RAB8B: variants seen among roughly 807,000 people sequenced by gnomAD.
RAB8B encodes ras-related protein Rab-8B.
RAB8B carries 11 observed loss-of-function variants against 32.0 expected under a neutral mutation model. That is an observed-to-expected ratio of 0.34 (90% confidence interval 0.22 to 0.57). The LOEUF (loss-of-function observed/expected upper bound fraction) is 0.57. Among genes scored for constraint, RAB8B ranks in the 20% least tolerant of loss-of-function variants. RAB8B has a pLI of 0.86. For synonymous variants in RAB8B, 103 were observed against 89.6 expected, an observed-to-expected ratio of 1.15 and a Z score of -0.85; for missense variants, 190 against 258.5, an observed-to-expected ratio of 0.73 and a Z score of 1.82.
chr15:63,202,089 TAAAAAAAAAAA>T (rs146981058), intron 1 of RAB8B, among the ~76,000 whole-genome samples: 93 of 85,746 alleles, frequency 1.1e-3, no homozygotes, highest in South Asian at 7.2e-3. Context: ...CCGTCTCTAC[TAAAAAAAAAAA>T]AAAAAAAAAA....
At chr15:63,216,740 G>A (rs557255637) in intron 1 of RAB8B, among the ~76,000 whole-genome samples, 7 of 151,672 alleles carry the variant, frequency 4.6e-5, no homozygotes, top group African/African-American at 1.7e-4. Context: ...TGCACCTGTA[G>A]TCCCAGCTCT....
At chr15:63,192,177 G>C (rs1021646794) in intron 1 of RAB8B, among the ~76,000 whole-genome samples, 43 of 152,308 alleles carry the variant, frequency 2.8e-4, no homozygotes, top group African/African-American at 1.0e-3. Context: ...GGAAGTGGTA[G>C]CACACTGCCT....
intron 6 of RAB8B, among the ~76,000 whole-genome samples, chr15:63,260,253 T>G (rs960107874): frequency 1.3e-5 from 2 of 152,210 alleles, no homozygotes; most frequent in African/African-American, 4.8e-5. Flanking sequence ...GTTTTGCCCT[T>G]TTTTTGGGCA....
chr15:63,228,175 C>T (rs1327795782), intron 1 of RAB8B, among the ~76,000 whole-genome samples: 2 of 152,092 alleles, frequency 1.3e-5, no homozygotes, highest in African/African-American at 4.8e-5. Context: ...CACCACCACA[C>T]CCAGCTAATT....
intron 1 of RAB8B, among the ~76,000 whole-genome samples, chr15:63,239,638 C>T (rs1450325114): frequency 6.6e-6 from 1 of 152,036 alleles, no homozygotes; most frequent in East Asian, 1.9e-4. Flanking sequence ...CAACTCCTGA[C>T]CTCAGGTGAT....
Position 63,266,302 on chromosome 15 carries a change from A to G in RAB8B, c.*2683A>G, listed in dbSNP as rs2038247523. ...AGTCTGAGGGTATCAGACAGTGAAA[A>G]TGTGCTGTAACTAAGTAGCATGTAA... is the stretch of plus-strand genomic sequence containing the variant. On this transcript the variant is annotated 3_prime_UTR_variant, in exon 8 of 8. Coordinates refer to ENST00000321437, the MANE Select transcript of RAB8B (RefSeq NM_016530.3). 6.6e-6 allele frequency: 1 copy of G among 152,562 alleles called. No individual in the cohort carries two copies. The highest frequency in any genetic ancestry group is 6.5e-5 in the Admixed American group (1 of 15,276). 9.5% of individuals were successfully genotyped at this position (152,562 alleles called of 1,614,324 possible). A position where few individuals can be genotyped will look rare whatever the true frequency, so the allele number is the denominator to read the frequency against.
intron 1 of RAB8B, among the ~76,000 whole-genome samples, chr15:63,191,994 T>C (rs1229336878): frequency 6.6e-6 from 1 of 152,220 alleles, no homozygotes; most frequent in Non-Finnish European, 1.5e-5. Flanking sequence ...ACCAGTGTCC[T>C]GAAACAGATT....
intron 1 of RAB8B, among the ~76,000 whole-genome samples, chr15:63,190,733 C>T (rs1479361852): frequency 3.3e-5 from 5 of 152,144 alleles, no homozygotes; most frequent in African/African-American, 1.2e-4. Context: ...TCTTTACTAC[C>T]ATCTCCTGAG....
At chr15:63,243,575 G>T (rs1265392858) in intron 1 of RAB8B, among the ~76,000 whole-genome samples, 1 of 152,142 alleles carries the variant, frequency 6.6e-6, no homozygotes, top group Non-Finnish European at 1.5e-5. Context: ...CCTTCAAAAG[G>T]CATAGCCCTT....
chr15:63,215,784 TC>T (rs1349057443), intron 1 of RAB8B, among the ~76,000 whole-genome samples: 1 of 152,106 alleles, frequency 6.6e-6, no homozygotes, highest in East Asian at 1.9e-4. Flanking sequence ...TGCCTATAAT[TC>T]CAGCACTTTG....
intron 1 of RAB8B, among the ~76,000 whole-genome samples, chr15:63,191,003 T>C (rs1039444): frequency 0.22 from 33,201 of 152,188 alleles, 4,648 homozygotes; most frequent in East Asian, 0.47. Context: ...TCTTAACTTA[T>C]CATAAACTGA....
chr15:63,221,709 G>C (rs1360834253), intron 1 of RAB8B, among the ~76,000 whole-genome samples: 2 of 152,226 alleles, frequency 1.3e-5, no homozygotes, highest in Non-Finnish European at 2.9e-5. Flanking sequence ...CAGGACCAGA[G>C]CATGGTTGGG....
chr15:63,205,401 A>G (rs913244588), intron 1 of RAB8B, among the ~76,000 whole-genome samples: 1 of 152,172 alleles, frequency 6.6e-6, no homozygotes, highest in Non-Finnish European at 1.5e-5. Context: ...AGGAGGCTGA[A>G]GTGAGAGGAT....
intron 1 of RAB8B, among the ~76,000 whole-genome samples, chr15:63,214,239 A>G (rs1156820329): frequency 2.0e-5 from 3 of 150,656 alleles, no homozygotes; most frequent in Non-Finnish European, 4.4e-5. Context: ...TTGAAAAAGA[A>G]TTCAACAGTG....
In RAB8B at chr15:63,265,509, G is replaced by T. The variant is rs1009809933; in HGVS notation, c.*1890G>T. ...ATTAGATACATTTTCAAAAGGAAAA[G>T]ATAATTTTTTAGAAACATCTTAATA... On this transcript the variant is annotated 3_prime_UTR_variant, in exon 8 of 8. Transcript: ENST00000321437. The surrounding 1 kb of genome is among the most constrained non-coding windows in gnomAD (Gnocchi z 4.9). The T allele has an allele frequency of 6.6e-6, 1 of 152,330 alleles. No homozygotes were observed. Among genetic ancestry groups the T allele is most frequent in the Non-Finnish European group, 1.5e-5 (1 of 67,956 alleles). The allele number at this position is 152,330 out of a possible 1,614,324, so 9.4% of individuals were successfully genotyped here. A position where few individuals can be genotyped will look rare whatever the true frequency, so the allele number is the denominator to read the frequency against.
rs988985850 is a variant in RAB8B at position 63,226,604 on chromosome 15, G to A, written c.125-18152G>A. On this transcript the variant is annotated intron_variant, in intron 1 of 7. Transcript: ENST00000321437. ...GTGATCTGTTCCTAAAATGGCCAGCGTCATTTTTCTTCACACTTCTCATTC... is the reference window on the plus strand; with the variant it reads ...GTGATCTGTTCCTAAAATGGCCAGCATCATTTTTCTTCACACTTCTCATTC... Among the ~76,000 whole-genome samples, 20 of 152,222 alleles carry A rather than the reference G, an allele frequency of 1.3e-4. 1 individual carries two copies. In the East Asian group the frequency reaches 3.9e-3, roughly 29 times the overall value.
At chr15:63,225,523 C>T (rs2037881373) in intron 1 of RAB8B, among the ~76,000 whole-genome samples, 1 of 152,172 alleles carries the variant, frequency 6.6e-6, no homozygotes, top group Non-Finnish European at 1.5e-5. Context: ...ATACTTGCTT[C>T]TGGAAATGAC....
chr15:63,244,577 G>A (rs1266630578), intron 1 of RAB8B, among the ~76,000 whole-genome samples, 179 bp from the exon 2 acceptor site: 1 of 152,168 alleles, frequency 6.6e-6, no homozygotes, highest in Non-Finnish European at 1.5e-5. Context: ...TCTTTGCTGA[G>A]TAATTAGCAT....
chr15:63,254,518 A>C (rs567117268), intron 3 of RAB8B, among the ~76,000 whole-genome samples: 1 of 152,060 alleles, frequency 6.6e-6, no homozygotes. Flanking sequence ...TGGACAGGTG[A>C]GTAGTTCTAG....
Sources: allele counts gnomAD v4.1 joint callset (sites outside exome capture counted in the v4.1 genomes callset), GRCh38; gene constraint gnomAD v4.1.1; non-coding constraint Gnocchi (gnomAD v3.1); transcripts MANE v1.5; gene names NCBI Gene and HGNC (gene_info 2026-07-23, HGNC 2026-07-21).